ZNF346: variants seen among roughly 807,000 people sequenced by gnomAD.
ZNF346 encodes the protein double-stranded RNA-binding zinc finger protein JAZ.
In ZNF346, 23 loss-of-function variants were observed where a neutral mutation model predicts 33.7. That is an observed-to-expected ratio of 0.68 (90% CI 0.49 to 0.97). The LOEUF is 0.97. Ranked by LOEUF, ZNF346 falls within the 50% of genes least tolerant of loss-of-function variation. ZNF346 has a pLI of 0.00. For missense variants in ZNF346, 340 were observed against 371.1 expected (o/e 0.92, Z 0.69); for synonymous variants, 134 against 142.4 (o/e 0.94, Z 0.42).
intron 5 of ZNF346, among the ~76,000 whole-genome samples, chr5:177,058,866 C>G (rs1324871908): frequency 6.6e-6 from 1 of 152,184 alleles, no homozygotes; most frequent in African/African-American, 2.4e-5. Context: ...GTAATGACTT[C>G]AGCTGACAAG....
intron 3 of ZNF346, among the ~76,000 whole-genome samples, chr5:177,042,558 A>G (rs1463262581): frequency 3.3e-5 from 5 of 151,768 alleles, no homozygotes; most frequent in Non-Finnish European, 7.3e-5. Flanking sequence ...TAAAATTTCA[A>G]TTCCTAGTAG....
intron 1 of ZNF346, among the ~76,000 whole-genome samples, chr5:177,038,757 A>G (rs1420623160): frequency 6.6e-6 from 1 of 151,784 alleles, no homozygotes; most frequent in Non-Finnish European, 1.5e-5. Context: ...AAAATCCACA[A>G]TCTCCAGGTG....
At position 177,022,777 on chromosome 5, in the gene ZNF346, C is replaced by G; in HGVS notation, c.39C>G (p.Asp13Glu). 3 of 1,552,158 alleles carry G rather than the reference C, an allele frequency of 1.9e-6. No individual in the cohort carries two copies. The highest frequency in any genetic ancestry group is 2.6e-6 in the Non-Finnish European group (3 of 1,151,148). Residue 13 changes from aspartate (D) to glutamate (E), a missense_variant, in exon 1 of 7, where the codon GAC (aspartate) becomes GAG (glutamate). Asp to Glu is a conservative substitution (Grantham distance 45, BLOSUM62 2). Transcript: ENST00000358149. Reference sequence around the variant, plus strand: ...CGCCGGCCACGGTGCAGGCCGCGGACGGCGGAGCGGCCGGGCCTTACAGCA... The same window carrying G: ...CGCCGGCCACGGTGCAGGCCGCGGAGGGCGGAGCGGCCGGGCCTTACAGCA... ...YPAPATVQAA[D>E]GGAAGPYSSS...
chr5:177,042,888 G>A (rs926148524), intron 3 of ZNF346, among the ~76,000 whole-genome samples: 3 of 151,882 alleles, frequency 2.0e-5, no homozygotes, highest in East Asian at 1.9e-4. Flanking sequence ...ACACCACCAC[G>A]CCTGGCTAAC....
At position 177,077,884 on chromosome 5, in the gene ZNF346, C is replaced by T. The variant is rs1238284676; in HGVS notation, c.*3-1498C>T. ...ATGCCTGGCCAGGCGCGGTGGCTCA[C>T]GCCTGTAATCCCAGCACTTTGGGAG... is the stretch of plus-strand genomic sequence containing the variant. On this transcript the variant is annotated intron_variant, in intron 8 of 8. Coordinates refer to the ZNF346 transcript ENST00000503039. The surrounding 1 kb of genome is among the most constrained non-coding windows in gnomAD (Gnocchi z 5.0). 6.6e-6 allele frequency among the ~76,000 whole-genome samples: 1 copy of T among 152,164 alleles called. No homozygotes were observed. Among genetic ancestry groups the T allele is most frequent in the African/African-American group, 2.4e-5 (1 of 41,438 alleles).
chr5:177,056,511 A>T, intron 5 of ZNF346, among the ~76,000 whole-genome samples: 1 of 152,232 alleles, frequency 6.6e-6, no homozygotes, highest in Non-Finnish European at 1.5e-5. Context: ...ACTTGGAACC[A>T]ACCCAAATGT....
At chr5:177,049,197 C>G (rs4976671) in intron 4 of ZNF346, among the ~76,000 whole-genome samples, 3,644 of 152,264 alleles carry the variant, frequency 0.024, 108 homozygotes, top group Admixed American at 0.096. Context: ...ACAAAATCAA[C>G]AAGCAGAGAA....
At chr5:177,035,740 A>G (rs1184637585) in intron 1 of ZNF346, among the ~76,000 whole-genome samples, 1 of 140,368 alleles carries the variant, frequency 7.1e-6, no homozygotes, top group African/African-American at 2.7e-5. Context: ...GGTTCAATCG[A>G]TTCTCCTGCC....
chr5:177,022,950 C>T (rs1431723402), intron 1 of ZNF346, 37 bp downstream of exon 1: 2 of 1,446,750 alleles, frequency 1.4e-6, no homozygotes, highest in African/African-American at 1.4e-5. Context: ...AGCCCCTCGC[C>T]CGCTGCGCGG....
chr5:177,063,167 T>C (rs908915709), intron 6 of ZNF346, among the ~76,000 whole-genome samples: 1 of 152,082 alleles, frequency 6.6e-6, no homozygotes, highest in South Asian at 2.1e-4. Context: ...CCCAAAGTGC[T>C]GGGATTACAG....
chr5:177,050,126 G>C (rs559306317), intron 4 of ZNF346, among the ~76,000 whole-genome samples: 4 of 152,264 alleles, frequency 2.6e-5, no homozygotes, highest in African/African-American at 9.6e-5. Context: ...TGAGCAAAAC[G>C]CATAACTAAA....
intron 1 of ZNF346, among the ~76,000 whole-genome samples, chr5:177,025,490 T>C (rs575667903): frequency 1.3e-5 from 2 of 152,342 alleles, no homozygotes; most frequent in Admixed American, 6.5e-5. Flanking sequence ...TTTTCCAAAA[T>C]GGCTTCACCT....
At chr5:177,025,735 T>A (rs1441286609) in intron 1 of ZNF346, among the ~76,000 whole-genome samples, 2 of 152,230 alleles carry the variant, frequency 1.3e-5, no homozygotes, top group African/African-American at 4.8e-5. Flanking sequence ...TGTCTTCTAC[T>A]GAGTTGTAAG....
At chr5:177,045,378 G>A (rs965729078) in intron 4 of ZNF346, among the ~76,000 whole-genome samples, 14 of 150,514 alleles carry the variant, frequency 9.3e-5, no homozygotes, top group African/African-American at 2.7e-4. Flanking sequence ...TTTTTGAGAT[G>A]GAGTCTCGCT....
At chr5:177,035,912 T>G (rs558381451) in intron 1 of ZNF346, among the ~76,000 whole-genome samples, 2 of 152,176 alleles carry the variant, frequency 1.3e-5, no homozygotes, top group African/African-American at 4.8e-5. Context: ...GTGCTGGTAT[T>G]ACAGGCGTGA....
intron 8 of ZNF346, among the ~76,000 whole-genome samples, chr5:177,074,643 C>G (rs543660386): frequency 6.6e-6 from 1 of 152,162 alleles, no homozygotes; most frequent in Non-Finnish European, 1.5e-5. Context: ...CCAGTACATT[C>G]ACTATTTTGT....
chr5:177,028,496 T>TTATATATATGTATATATATATATATA (rs1554142626), intron 1 of ZNF346, among the ~76,000 whole-genome samples: 1 of 90,540 alleles, frequency 1.1e-5, no homozygotes. Flanking sequence ...TTGTGACGTT[T>TTATATATATGTATATATATATATATA]TATATATATA....
In ZNF346 at chr5:177,067,390, C is replaced by T. The variant is rs1783267356; in HGVS notation, c.*2791C>T. ...ATTCAGTGCCACTCAGCCCCTGCTC[C>T]TGGTCAGCTGTGAAAGGCTCTACAC... is the stretch of plus-strand genomic sequence containing the variant. On this transcript the variant is annotated 3_prime_UTR_variant, in exon 7 of 7. Transcript: ENST00000358149. 6.6e-6 allele frequency among the ~76,000 whole-genome samples: 1 copy of T among 152,084 alleles called. No individual in the cohort carries two copies. Among genetic ancestry groups the T allele is most frequent in the South Asian group, 2.1e-4 (1 of 4,828 alleles).
chr5:177,030,043 T>C (rs1184882714), intron 1 of ZNF346, among the ~76,000 whole-genome samples: 3 of 152,188 alleles, frequency 2.0e-5, no homozygotes, highest in Non-Finnish European at 4.4e-5. Flanking sequence ...CCCACACATA[T>C]GGTCACAGAA....
Sources: gnomAD v4.1 joint callset for allele counts (sites outside exome capture counted in the v4.1 genomes callset) on GRCh38, gnomAD v4.1.1 for gene constraint, Gnocchi (gnomAD v3.1) non-coding constraint, MANE v1.5 for transcripts, NCBI Gene and HGNC (gene_info 2026-07-23, HGNC 2026-07-21) for gene names.